PRR33: variants seen among roughly 807,000 people sequenced by gnomAD.
PRR33 encodes proline-rich protein 33.
Under a neutral mutation model 0.5 loss-of-function variants are expected in PRR33, and 1 was observed. The observed-to-expected ratio is 2.18, with a 90% CI of 0.77 to 10.34. The LOEUF is 10.34. PRR33 is among the 30% of genes most tolerant of loss of function. PRR33 has a pLI of 0.13. For synonymous variants in PRR33, 226 were observed against 110.0 expected (o/e 2.06, Z -6.60); for missense variants, 552 against 251.8 (o/e 2.19, Z -8.07).
the PRR33 span, among the ~76,000 whole-genome samples, chr11:1,904,152 T>C: frequency 1.3e-5 from 2 of 152,214 alleles, no homozygotes; most frequent in South Asian, 4.1e-4. Flanking sequence ...CAGTGGGCCC[T>C]GTGGGTCCTC....
upstream of PRR33, among the ~76,000 whole-genome samples, chr11:1,896,050 C>T (rs971029495): frequency 4.6e-5 from 7 of 152,128 alleles, no homozygotes; most frequent in Admixed American, 2.0e-4. Flanking sequence ...ATTTCTGGAC[C>T]GTTTTCTTTT....
chr11:1,914,174 C>T, the PRR33 span, among the ~76,000 whole-genome samples: 1 of 152,244 alleles, frequency 6.6e-6, no homozygotes, highest in African/African-American at 2.4e-5. Flanking sequence ...GGGGTGCAGG[C>T]CCACGGTGCA....
At chr11:1,889,616 G>T (rs1848903976) in exon 1 of PRR33, 1 of 615,010 alleles carries the variant, frequency 1.6e-6, no homozygotes, top group Admixed American at 2.9e-5. Context: ...ATGGGTGAGG[G>T]CCTGATGGTG....
At chr11:1,916,357 TAC>T in the PRR33 span, among the ~76,000 whole-genome samples, 3 of 152,076 alleles carry the variant, frequency 2.0e-5, no homozygotes, top group Non-Finnish European at 4.4e-5. Flanking sequence ...GCCTCATGAA[TAC>T]ACACAGTTCA....
At chr11:1,914,381 T>G in the PRR33 span, among the ~76,000 whole-genome samples, 3 of 151,412 alleles carry the variant, frequency 2.0e-5, no homozygotes, top group Non-Finnish European at 4.4e-5. Context: ...TCCTTATGTG[T>G]GTGTGTGTTG....
chr11:1,916,805 C>T, the PRR33 span, among the ~76,000 whole-genome samples: 1 of 152,214 alleles, frequency 6.6e-6, no homozygotes, highest in Non-Finnish European at 1.5e-5. Flanking sequence ...AGCCTCCCGT[C>T]CACGGCCACA....
At chr11:1,906,716 C>T in the PRR33 span, among the ~76,000 whole-genome samples, 3 of 152,212 alleles carry the variant, frequency 2.0e-5, no homozygotes, top group Admixed American at 2.0e-4. Flanking sequence ...TCTGCTGAGG[C>T]TGGTGGGAGC....
upstream of PRR33, among the ~76,000 whole-genome samples, chr11:1,896,440 G>A (rs781182576): frequency 1.3e-5 from 2 of 152,180 alleles, no homozygotes; most frequent in African/African-American, 2.4e-5. Flanking sequence ...GTCAATATCT[G>A]ATAGTTGATT....
the PRR33 span, among the ~76,000 whole-genome samples, chr11:1,909,242 T>C: frequency 1.3e-5 from 2 of 151,998 alleles, no homozygotes; most frequent in Non-Finnish European, 1.5e-5. Flanking sequence ...CTCACACCTG[T>C]AATCCCAGCA....
the PRR33 span, among the ~76,000 whole-genome samples, chr11:1,917,515 C>T: frequency 6.6e-6 from 1 of 152,354 alleles, no homozygotes; most frequent in Non-Finnish European, 1.5e-5. Flanking sequence ...GCGTCCCCAA[C>T]CCAGGCTGGG....
the PRR33 span, among the ~76,000 whole-genome samples, chr11:1,914,274 T>C: frequency 2.0e-5 from 3 of 150,854 alleles, no homozygotes; most frequent in African/African-American, 4.9e-5. Context: ...GATGATGTTC[T>C]GTATGTGTGT....
chr11:1,914,128 A>G, the PRR33 span, among the ~76,000 whole-genome samples: 11 of 152,282 alleles, frequency 7.2e-5, no homozygotes, highest in Admixed American at 2.6e-4. Flanking sequence ...GGTTGGGCGC[A>G]GCGTAGCTGA....
chr11:1,894,336 G>A (rs1271236819), upstream of PRR33, among the ~76,000 whole-genome samples: 2 of 151,956 alleles, frequency 1.3e-5, no homozygotes, highest in Middle Eastern at 3.2e-3. Flanking sequence ...TGGGCTCAAC[G>A]GATCCTCCTG....
At chr11:1,888,291 G>T (rs916412251) in exon 1 of PRR33, among the ~76,000 whole-genome samples, 4 of 152,126 alleles carry the variant, frequency 2.6e-5, no homozygotes, top group Non-Finnish European at 4.4e-5. Context: ...TGCTGAGTAG[G>T]CCCCTCCACT....
chr11:1,907,790 T>C, the PRR33 span: 3 of 152,200 alleles, frequency 2.0e-5, no homozygotes, highest in Admixed American at 2.0e-4. Flanking sequence ...TTTTGGCATT[T>C]GATGTGGAGA....
the PRR33 span, among the ~76,000 whole-genome samples, chr11:1,913,665 C>T: frequency 6.6e-5 from 10 of 152,324 alleles, no homozygotes; most frequent in East Asian, 1.9e-4. Flanking sequence ...CTGACTTGGC[C>T]GCAGAGGGCA....
chr11:1,889,291 G>C (rs1400192327), exon 1 of PRR33: 1 of 698,656 alleles, frequency 1.4e-6, no homozygotes, highest in South Asian at 1.5e-5. Context: ...AAGGGCAGGC[G>C]GGTGAGGCTG....
chr11:1,893,045 G>A (rs906397092), upstream of PRR33, among the ~76,000 whole-genome samples: 2 of 150,128 alleles, frequency 1.3e-5, no homozygotes, highest in Admixed American at 1.3e-4. Flanking sequence ...ATAAGCAGGT[G>A]AATGGATGGG....
the PRR33 span, among the ~76,000 whole-genome samples, chr11:1,902,399 T>C: frequency 6.6e-6 from 1 of 152,162 alleles, no homozygotes; most frequent in Non-Finnish European, 1.5e-5. Context: ...TGGGTGGATC[T>C]GAAGTAAAGC....
Sources: gnomAD v4.1 joint callset for allele counts (sites outside exome capture counted in the v4.1 genomes callset) on GRCh38, gnomAD v4.1.1 for gene constraint, MANE v1.5 for transcripts, NCBI Gene and HGNC (gene_info 2026-07-23, HGNC 2026-07-21) for gene names.